KIF18A: variants seen among roughly 807,000 people sequenced by gnomAD.
KIF18A encodes kinesin family member 18A.
Under a neutral mutation model 103.3 loss-of-function variants are expected in KIF18A, and 67 were observed. That is an observed-to-expected ratio of 0.65 (90% CI 0.53 to 0.79). KIF18A has a LOEUF of 0.79. KIF18A is among the 30% of genes least tolerant of loss of function. The pLI is 0.00. For missense variants in KIF18A, 1,032 were observed against 1,062.5 expected, an observed-to-expected ratio of 0.97 and a Z score of 0.40; for synonymous variants, 367 against 355.5, an observed-to-expected ratio of 1.03 and a Z score of -0.36.
rs1850486018 is a variant in KIF18A, at chr11:28,036,212, T to G, written c.2396+5A>C. ...AAAGAATTGGCAAATATTATTTTTT[T>G]GTACCGTTGTAAAATGTCTTTGTTA... On this transcript the variant is annotated splice_donor_5th_base_variant and intron_variant, in intron 14 of 16. Coordinates refer to ENST00000263181, the MANE Select transcript of KIF18A (RefSeq NM_031217.4). The G allele has an allele frequency of 6.5e-7, 1 of 1,533,718 alleles. No individual in the cohort carries two copies. Among genetic ancestry groups the G allele is most frequent in the Non-Finnish European group, 8.8e-7 (1 of 1,136,808 alleles).
chr11:28,085,431 T>C (rs1851214572), intron 6 of KIF18A, among the ~76,000 whole-genome samples: 1 of 152,154 alleles, frequency 6.6e-6, no homozygotes, highest in Admixed American at 6.5e-5. Context: ...CCTCCTGTAC[T>C]CCTGGTTCCT....
At chr11:28,081,076 A>T (rs1048016503) in intron 9 of KIF18A, among the ~76,000 whole-genome samples, 3 of 152,220 alleles carry the variant, frequency 2.0e-5, no homozygotes, top group African/African-American at 7.2e-5. Flanking sequence ...GAAGTTGCAG[A>T]GGAAAATTCT....
At chr11:28,095,951 C>T (rs989596985) in intron 2 of KIF18A, among the ~76,000 whole-genome samples, 1 of 146,976 alleles carries the variant, frequency 6.8e-6, no homozygotes, top group Non-Finnish European at 1.5e-5. Flanking sequence ...GTTGAGGCTG[C>T]AGTGAGCTGT....
At chr11:28,058,476 T>C (rs1166453347) in intron 13 of KIF18A, among the ~76,000 whole-genome samples, 2 of 141,016 alleles carry the variant, frequency 1.4e-5, no homozygotes, top group Non-Finnish European at 3.1e-5. Context: ...ACAGTGATAC[T>C]TTGTTTCTAC....
At chr11:28,080,925 G>C (rs988139401) in intron 9 of KIF18A, among the ~76,000 whole-genome samples, 1 of 152,180 alleles carries the variant, frequency 6.6e-6, no homozygotes, top group Non-Finnish European at 1.5e-5. Context: ...CTAAGAAAGT[G>C]AAACAGCCTT....
chr11:28,104,476 A>C (rs1851481788), intron 1 of KIF18A, among the ~76,000 whole-genome samples: 1 of 152,120 alleles, frequency 6.6e-6, no homozygotes, highest in Non-Finnish European at 1.5e-5. Flanking sequence ...TTACCTCCAG[A>C]TATTTGCAAA....
intron 11 of KIF18A, among the ~76,000 whole-genome samples, chr11:28,065,336 C>T (rs1393639698): frequency 6.6e-6 from 1 of 151,760 alleles, no homozygotes; most frequent in Admixed American, 6.6e-5. Flanking sequence ...CTATAAATAT[C>T]TGCACAAAAA....
chr11:28,035,665 T>C (rs762242010), intron 14 of KIF18A, among the ~76,000 whole-genome samples, 171 bp from the exon 15 acceptor site: 9 of 151,594 alleles, frequency 5.9e-5, no homozygotes, highest in Non-Finnish European at 1.2e-4. Context: ...TCTTTTCTCT[T>C]TATAACACAG....
intron 13 of KIF18A, among the ~76,000 whole-genome samples, chr11:28,055,479 T>G (rs189295946): frequency 2.6e-5 from 4 of 152,278 alleles, no homozygotes; most frequent in Admixed American, 1.3e-4. Context: ...CAGAAAAGCA[T>G]AGCAACAGTG....
At chr11:28,081,700 C>G (rs1312770775) in intron 9 of KIF18A, among the ~76,000 whole-genome samples, 1 of 152,132 alleles carries the variant, frequency 6.6e-6, no homozygotes, top group African/African-American at 2.4e-5. Flanking sequence ...GCTCATGGAT[C>G]ATGCAATTTT....
At chr11:28,084,841 T>G (rs544702678) in intron 6 of KIF18A, 33 bp from the exon 7 acceptor site, 1 of 1,564,880 alleles carries the variant, frequency 6.4e-7, no homozygotes, top group South Asian at 1.1e-5. Context: ...TTATGTCATT[T>G]TCCACATTTA....
chr11:28,104,927 T>G (rs1312198090), intron 1 of KIF18A, among the ~76,000 whole-genome samples: 3 of 152,094 alleles, frequency 2.0e-5, no homozygotes, highest in Non-Finnish European at 4.4e-5. Context: ...AGAAGGGAAA[T>G]ATGAAGGTCT....
chr11:28,064,469 C>T (rs1388200765), intron 11 of KIF18A, among the ~76,000 whole-genome samples: 1 of 151,930 alleles, frequency 6.6e-6, no homozygotes, highest in African/African-American at 2.4e-5. Context: ...AAAAAAATCT[C>T]TCCTTATAGC....
Position 28,035,460 on chromosome 11 carries a change from T to G in KIF18A, c.2431A>C (p.Met811Leu). The change falls in exon 15 of 17, where the codon ATG (methionine) becomes CTG (leucine). Residue 811 changes from methionine (M) to leucine (L), a missense_variant. By Grantham distance (15) the Met-to-Leu change is conservative. Coordinates refer to ENST00000263181, the MANE Select transcript of KIF18A (RefSeq NM_031217.4). Reference protein sequence around the residue: ...DPSSFSTKHSMPVPSMVPSYM... With the variant: ...DPSSFSTKHSLPVPSMVPSYM... The stretch of plus-strand genomic sequence containing the variant: ...GATGGCACCATGCTTGGTACAGGCA[T>G]AGAATGCTTAGTTGAGAATGAAGAA... 1 of 1,601,176 alleles carries G rather than the reference T, an allele frequency of 6.2e-7. No homozygotes were observed. Among genetic ancestry groups the G allele is most frequent in the Non-Finnish European group, 8.5e-7 (1 of 1,172,834 alleles).
intron 16 of KIF18A, among the ~76,000 whole-genome samples, chr11:28,023,432 A>ACATTTAGC (rs1230318573): frequency 2.0e-5 from 3 of 152,212 alleles, no homozygotes; most frequent in Non-Finnish European, 4.4e-5. Context: ...ATTAAGTAAT[A>ACATTTAGC]CATTTAGCCA....
chr11:28,023,610 A>G (rs538307388), intron 16 of KIF18A, 131 bp downstream of exon 16: 8 of 480,968 alleles, frequency 1.7e-5, no homozygotes, highest in Non-Finnish European at 3.0e-5. Context: ...GGATAATCAT[A>G]CTTGTTCTAC....
chr11:28,064,875 CA>C (rs1455208661), intron 11 of KIF18A, among the ~76,000 whole-genome samples: 1 of 152,052 alleles, frequency 6.6e-6, no homozygotes, highest in African/African-American at 2.4e-5. Flanking sequence ...AGGTGATATA[CA>C]AGCCTTGAGA....
At chr11:28,091,539 C>A in intron 3 of KIF18A, 26 bp from the exon 4 acceptor site, 2 of 1,276,206 alleles carry the variant, frequency 1.6e-6, no homozygotes, top group Admixed American at 2.0e-5. Flanking sequence ...ACTGCTTTAG[C>A]ATTGATGTAA....
intron 15 of KIF18A, among the ~76,000 whole-genome samples, chr11:28,031,310 A>C (rs2133489935): frequency 6.6e-6 from 1 of 152,328 alleles, no homozygotes; most frequent in South Asian, 2.1e-4. Context: ...AGACTGGATT[A>C]AGAAGATGTG....
Sources: gnomAD v4.1 joint callset for allele counts (sites outside exome capture counted in the v4.1 genomes callset) on GRCh38, gnomAD v4.1.1 for gene constraint, MANE v1.5 for transcripts, NCBI Gene and HGNC (gene_info 2026-07-23, HGNC 2026-07-21) for gene names.